The following CARMIL3 variants were observed in gnomAD, a reference collection of about 807,000 sequenced individuals.
CARMIL3 encodes the protein capping protein regulator and myosin 1 linker 3.
CARMIL3 carries 88 observed loss-of-function variants against 180.8 expected under a neutral mutation model. The ratio of observed to expected loss-of-function variants is 0.49; its 90% CI spans 0.41 to 0.58. CARMIL3 has a LOEUF of 0.58. Ranked by LOEUF, CARMIL3 falls within the 20% of genes least tolerant of loss-of-function variation. CARMIL3 has a pLI of 0.00. For missense variants in CARMIL3, 1,548 were observed against 1,787.0 expected (o/e 0.87, Z 2.41); for synonymous variants, 696 against 714.5 (o/e 0.97, Z 0.41).
chr14:24,052,305 A>C, intron 1 of CARMIL3, 112 bp downstream of exon 1: 1 of 1,087,172 alleles, frequency 9.2e-7, no homozygotes, highest in Non-Finnish European at 1.3e-6. Context: ...CACCCCATGC[A>C]TCCTGGCTCC....
chr14:24,066,350 C>A, intron 34 of CARMIL3, 48 bp from the exon 35 acceptor site: 2 of 1,599,168 alleles, frequency 1.3e-6, no homozygotes, highest in South Asian at 2.2e-5. Flanking sequence ...CAGCTGCAGT[C>A]CTGCCACAGA....
chr14:24,060,810 C>A, intron 25 of CARMIL3, 54 bp downstream of exon 25: 1 of 1,590,852 alleles, frequency 6.3e-7, no homozygotes, highest in East Asian at 2.3e-5. Flanking sequence ...CCAAGAAGGC[C>A]GACCATGCTA....
chr14:24,058,150 CA>C lies in CARMIL3; in HGVS notation c.1323-4del, dbSNP rs756603020. 25 of 1,613,698 alleles carry C rather than the reference CA, an allele frequency of 1.5e-5. No individual in the cohort carries two copies. In the African/African-American group the frequency reaches 3.1e-4, roughly 20 times the overall value. ...AAGGAGGGCCTGCTGACCTCCCTCC[CA>C]CAGGGCGCTGCTTCAGGGCCTCTCC... On this transcript the variant is annotated splice_polypyrimidine_tract_variant and splice_region_variant and intron_variant, in intron 16 of 39. Transcript: ENST00000342740. The surrounding 1 kb of genome is among the most constrained non-coding windows in gnomAD (Gnocchi z 6.4).
chr14:24,056,597 G>A, intron 11 of CARMIL3, 25 bp from the exon 12 acceptor site: 1 of 1,612,204 alleles, frequency 6.2e-7, no homozygotes, highest in Non-Finnish European at 8.5e-7. Context: ...CCCTCACTGG[G>A]CCCGTTTCTC....
In CARMIL3 at chr14:24,059,984, G is replaced by C; in HGVS notation, c.1883G>C (p.Arg628Pro). 1 of 1,613,966 alleles carries C rather than the reference G, an allele frequency of 6.2e-7. No individual in the cohort carries two copies. Among genetic ancestry groups the C allele is most frequent in the East Asian group, 2.2e-5 (1 of 44,884 alleles). ...GTGTCCCACAGCAACCACACGCTGC[G>C]CTTCATGTCCTTCCCCGTGAGCGAC... ...ARALESNHTL[R>P]FMSFPVSDIS... Residue 628 changes from arginine to proline, a missense_variant, in exon 23 of 40, where the codon CGC (arginine) becomes CCC (proline). Physicochemically the swap from Arg to Pro is moderately radical, Grantham distance 103. This residue lies in a region of CARMIL3 where 297 missense variants were observed against 415.9 expected (regional missense o/e 0.71). Coordinates refer to ENST00000342740, the MANE Select transcript of CARMIL3 (RefSeq NM_138360.4). The surrounding 1 kb of genome is among the most constrained non-coding windows in gnomAD (Gnocchi z 6.3).
chr14:24,064,780 A>G (rs2035768192), intron 32 of CARMIL3, among the ~76,000 whole-genome samples, 178 bp from the exon 33 acceptor site: 1 of 152,134 alleles, frequency 6.6e-6, no homozygotes, highest in South Asian at 2.1e-4. Flanking sequence ...AGTCTGCGGG[A>G]AAGGCTGCTG....
At position 24,059,687 on chromosome 14, in the gene CARMIL3, A is replaced by G; in HGVS notation, c.1823A>G (p.Asn608Ser). Residue 608 changes from asparagine (N) to serine (S), a missense_variant, in exon 22 of 40, where the codon AAT becomes AGT. Physicochemically the swap from Asn to Ser is conservative, Grantham distance 46. Coordinates refer to ENST00000342740, the MANE Select transcript of CARMIL3 (RefSeq NM_138360.4). This position sits in a 1 kb window ranked among gnomAD's most constrained non-coding sequence, Gnocchi z 6.3. ...SLRTILWDRNNTSALGFLDIA... is the reference protein window; with the variant it reads ...SLRTILWDRNSTSALGFLDIA... Reference sequence around the variant, plus strand: ...AGAACTATCCTATGGGATCGGAACAATACATCTGCCCTGGGCTTCCTGGAC... The same window carrying G: ...AGAACTATCCTATGGGATCGGAACAGTACATCTGCCCTGGGCTTCCTGGAC... The G allele has an allele frequency of 1.2e-6, 2 of 1,613,976 alleles. No individual in the cohort carries two copies. Among genetic ancestry groups the G allele is most frequent in the South Asian group, 1.1e-5 (1 of 91,056 alleles).
Position 24,054,722 on chromosome 14 carries a change from G to A in CARMIL3, c.374G>A (p.Arg125Gln), listed in dbSNP as rs770014642. The A allele has an allele frequency of 4.7e-5, 76 of 1,613,624 alleles. No individual in the cohort carries two copies. The highest frequency in any genetic ancestry group is 8.3e-5 in the Admixed American group (5 of 59,934). ...KVCPGPGCLI[R>Q]RGNADTPEGP... ...TGTTTCTTTTCCAGGTGTTTGATCC[G>A]GCGTGGAAACGCAGACACCCCAGAG... Residue 125 changes from arginine to glutamine, a missense_variant, in exon 6 of 40, where the codon CGG becomes CAG. By Grantham distance (43) the Arg-to-Gln change is conservative. Transcript: ENST00000342740. The surrounding 1 kb of genome is among the most constrained non-coding windows in gnomAD (Gnocchi z 5.1).
Position 24,069,207 on chromosome 14 carries a change from C to A in CARMIL3, c.4053C>A (p.Asp1351Glu). ...GGACACGGCGGGCACAGTCCTGTGA[C>A]AAGCTGGAACCTGATAGAAGACGGC... is the stretch of plus-strand genomic sequence containing the variant. Reference protein sequence around the residue: ...PKRTRRAQSCDKLEPDRRRPP... With the variant: ...PKRTRRAQSCEKLEPDRRRPP... Residue 1351 changes from aspartate to glutamate, a missense_variant, in exon 39 of 40, where the codon GAC becomes GAA. Coordinates refer to ENST00000342740, the MANE Select transcript of CARMIL3 (RefSeq NM_138360.4). 1 of 1,614,040 alleles carries A rather than the reference C, an allele frequency of 6.2e-7. No individual in the cohort carries two copies.
Position 24,059,546 on chromosome 14 carries a change from AC to A in CARMIL3, c.1799+109del, listed in dbSNP as rs911170422. On this transcript the variant is annotated intron_variant, in intron 21 of 39. Transcript: ENST00000342740. The surrounding 1 kb of genome is among the most constrained non-coding windows in gnomAD (Gnocchi z 6.3). ...TGCTCTGGACCCCAGCTTCCAGAAG[AC>A]CCCCAGCCCCAGAACCATCTCTGAG... 8 of 1,511,784 alleles carry A rather than the reference AC, an allele frequency of 5.3e-6. No homozygotes were observed. In the African/African-American group the frequency reaches 1.1e-4, roughly 21 times the overall value. 93.6% of individuals were successfully genotyped at this position (1,511,784 alleles called of 1,614,324 possible). A position where few individuals can be genotyped will look rare whatever the true frequency, so the allele number is the denominator to read the frequency against.
In CARMIL3 at chr14:24,054,228, T is replaced by C; in HGVS notation, c.187-14T>C. 6.2e-7 allele frequency: 1 copy of C among 1,614,130 alleles called. No homozygotes were observed. Among genetic ancestry groups the C allele is most frequent in the Non-Finnish European group, 8.5e-7 (1 of 1,180,008 alleles). ...AGGTCCTTACCAGGAGCTGAGCATC[T>C]CCATCCCTCCTAGGTGGAGAGCTCC... On this transcript the variant is annotated splice_polypyrimidine_tract_variant and intron_variant, in intron 3 of 39. Transcript: ENST00000342740. The surrounding 1 kb of genome is among the most constrained non-coding windows in gnomAD (Gnocchi z 5.1).
chr14:24,055,810 G>C, intron 10 of CARMIL3, 21 bp downstream of exon 10: 1 of 1,608,734 alleles, frequency 6.2e-7, no homozygotes, highest in Admixed American at 1.7e-5. Context: ...TCTCCTCCTT[G>C]GGCAGTAGTG....
chr14:24,067,372 A>G (rs538067530), intron 36 of CARMIL3, among the ~76,000 whole-genome samples: 3 of 152,260 alleles, frequency 2.0e-5, no homozygotes, highest in Non-Finnish European at 4.4e-5. Flanking sequence ...CTGGACCATG[A>G]CCCTCCAGCA....
In CARMIL3 at chr14:24,052,037, C is replaced by T. The variant is rs952711720; in HGVS notation, c.-117C>T. ...CAGCCGCCCCTGACCGGAGCGGGCTCGGCCGCTGCTGCAGCGCTCAGCGCC... is the reference window on the plus strand; with the variant it reads ...CAGCCGCCCCTGACCGGAGCGGGCTTGGCCGCTGCTGCAGCGCTCAGCGCC... On this transcript the variant is annotated 5_prime_UTR_variant, in exon 1 of 40. Coordinates refer to ENST00000342740, the MANE Select transcript of CARMIL3 (RefSeq NM_138360.4). 5.8e-6 allele frequency: 6 copies of T among 1,032,410 alleles called. No homozygotes were observed. In the Admixed American group the frequency reaches 1.2e-4, roughly 22 times the overall value. The allele number at this position is 1,032,410 out of a possible 1,614,324, so 64.0% of individuals were successfully genotyped here.
Position 24,069,463 on chromosome 14 carries a change from T to C in CARMIL3, c.*59T>C. 3 of 1,609,514 alleles carry C rather than the reference T, an allele frequency of 1.9e-6. No homozygotes were observed. Among genetic ancestry groups the C allele is most frequent in the Non-Finnish European group, 2.5e-6 (3 of 1,176,772 alleles). On this transcript the variant is annotated 3_prime_UTR_variant, in exon 40 of 40. Transcript: ENST00000342740. ...TGTGCCTCGCAAGGACTCAGACCCC[T>C]ATCCACCCCCAGTCCCCAGGGCCCC...
At position 24,061,721 on chromosome 14, in the gene CARMIL3, C is replaced by A. The variant is rs776427365; in HGVS notation, c.2480+49C>A. The stretch of plus-strand genomic sequence containing the variant: ...GGGCTGAGCTGGATTTGGCCCAGAT[C>A]ACTTAGGGACTTAGGACTGGAGAGC... On this transcript the variant is annotated intron_variant, in intron 27 of 39. Coordinates refer to ENST00000342740, the MANE Select transcript of CARMIL3 (RefSeq NM_138360.4). This position sits in a 1 kb window ranked among gnomAD's most constrained non-coding sequence, Gnocchi z 4.1. 1 of 1,576,372 alleles carries A rather than the reference C, an allele frequency of 6.3e-7. No individual in the cohort carries two copies. The highest frequency in any genetic ancestry group is 8.7e-7 in the Non-Finnish European group (1 of 1,155,446).
At position 24,058,768 on chromosome 14, in the gene CARMIL3, A is replaced by T. The variant is rs780847010; in HGVS notation, c.1474+7A>T. 14 of 1,614,050 alleles carry T rather than the reference A, an allele frequency of 8.7e-6. No individual in the cohort carries two copies. In the East Asian group the frequency reaches 3.1e-4, roughly 36 times the overall value. ...CTGGATCTGTCAGACAATGGTGAGT[A>T]GTGGTTCCTCCCTTCCCTGGGGCCA... On this transcript the variant is annotated splice_region_variant and intron_variant, in intron 18 of 39. Coordinates refer to ENST00000342740, the MANE Select transcript of CARMIL3 (RefSeq NM_138360.4). The surrounding 1 kb of genome is among the most constrained non-coding windows in gnomAD (Gnocchi z 6.4).
chr14:24,061,472 C>T lies in CARMIL3; in HGVS notation c.2305-25C>T. On this transcript the variant is annotated intron_variant, in intron 26 of 39. Coordinates refer to ENST00000342740, the MANE Select transcript of CARMIL3 (RefSeq NM_138360.4). The surrounding 1 kb of genome is among the most constrained non-coding windows in gnomAD (Gnocchi z 4.1). ...CCCTGATCCTGTCCCCCTTGGGCCT[C>T]TGGCCTCCCTTTCCCCCATACTAGG... The T allele has an allele frequency of 6.2e-7, 1 of 1,602,844 alleles. No individual in the cohort carries two copies. Among genetic ancestry groups the T allele is most frequent in the Non-Finnish European group, 8.5e-7 (1 of 1,173,768 alleles).
chr14:24,066,572 G>T lies in CARMIL3; in HGVS notation c.3598G>T (p.Gly1200Ter). Residue 1200 changes from glycine (G) to a stop codon, truncating the protein, a stop_gained, in exon 36 of 40, where the codon GGA (glycine) becomes TGA (stop). Transcript: ENST00000342740. LOFTEE classifies it high-confidence loss of function. ...KRRSSDDAGP[G>*]SWKPPPPPQS... The stretch of plus-strand genomic sequence containing the variant: ...ATCCCCTCTCTCTACTCCAGGGCCT[G>T]GATCCTGGAAGCCCCCACCACCGCC... 1 of 1,614,148 alleles carries T rather than the reference G, an allele frequency of 6.2e-7. No individual in the cohort carries two copies. Among genetic ancestry groups the T allele is most frequent in the Non-Finnish European group, 8.5e-7 (1 of 1,180,018 alleles).
Sources: gnomAD v4.1 joint callset for allele counts (sites outside exome capture counted in the v4.1 genomes callset) on GRCh38, gnomAD v4.1.1 for gene constraint, gnomAD v4.1.1 regional missense constraint, Gnocchi (gnomAD v3.1) non-coding constraint, MANE v1.5 for transcripts, NCBI Gene and HGNC (gene_info 2026-07-23, HGNC 2026-07-21) for gene names.